Variants in SLC1A3 observed in about 807,000 individuals in gnomAD.
The protein encoded by SLC1A3 is excitatory amino acid transporter 1.
Under a neutral mutation model 48.1 loss-of-function variants are expected in SLC1A3, and 21 were observed. The observed-to-expected ratio is 0.44, with a 90% CI of 0.31 to 0.63. The LOEUF is 0.63. Ranked by LOEUF, SLC1A3 falls within the 20% of genes least tolerant of loss-of-function variation. The probability of loss-of-function intolerance (pLI) is 0.08; values close to 1 mark genes in which losing one functional copy is unlikely to be tolerated. For synonymous variants in SLC1A3, 239 were observed against 251.4 expected (o/e 0.95, Z 0.47); for missense variants, 546 against 689.0 (o/e 0.79, Z 2.32).
At chr5:36,643,500 T>G (rs1012472128) in intron 3 of SLC1A3, among the ~76,000 whole-genome samples, 2 of 152,216 alleles carry the variant, frequency 1.3e-5, no homozygotes, top group Non-Finnish European at 2.9e-5. Context: ...TTGCCCATTT[T>G]TTAATGGGGG....
rs753687627 is a variant in SLC1A3, at chr5:36,676,985, A to C, written c.661A>C (p.Met221Leu). Residue 221 changes from methionine to leucine, a missense_variant, in exon 6 of 10, where the codon ATG (methionine) becomes CTG (leucine). Met to Leu is a conservative substitution (Grantham distance 15, BLOSUM62 2). This residue lies in a region of SLC1A3 where 348 missense variants were observed against 392.0 expected (regional missense o/e 0.89). Coordinates refer to ENST00000265113, the MANE Select transcript of SLC1A3 (RefSeq NM_004172.5). ...TGTGATAAACAATGTGTCTGAGGCC[A>C]TGGAGACTCTTACCCGAATCACAGA... ...GAVINNVSEA[M>L]ETLTRITEEL... 3 of 1,614,104 alleles carry C rather than the reference A, an allele frequency of 1.9e-6. No homozygotes were observed. Among genetic ancestry groups the C allele is most frequent in the Non-Finnish European group, 2.5e-6 (3 of 1,179,954 alleles).
Position 36,661,151 on chromosome 5 carries a change from C to G in SLC1A3, c.320-9878C>G, listed in dbSNP as rs147944255. 3.4e-3 allele frequency among the ~76,000 whole-genome samples: 521 copies of G among 152,354 alleles called. 3 individuals are homozygous for G. The highest frequency in any genetic ancestry group is 0.012 in the African/African-American group (492 of 41,584). On this transcript the variant is annotated intron_variant, in intron 3 of 9. Coordinates refer to ENST00000265113, the MANE Select transcript of SLC1A3 (RefSeq NM_004172.5). ...AAAATAGACAAAGTGGTGGCTCATG[C>G]CTGTAATCTCAGCACTTTGGGAGGT...
chr5:36,598,991 A>G (rs919828297), intron 1 of SLC1A3, among the ~76,000 whole-genome samples: 5 of 152,204 alleles, frequency 3.3e-5, no homozygotes, highest in African/African-American at 4.8e-5. Flanking sequence ...TACAACATGA[A>G]GTCAATATAA....
intron 1 of SLC1A3, among the ~76,000 whole-genome samples, chr5:36,601,267 G>C (rs62354611): frequency 0.25 from 38,380 of 151,760 alleles, 6,925 homozygotes; most frequent in African/African-American, 0.51. Flanking sequence ...GCTTCCTTTG[G>C]TACTGTATTA....
chr5:36,613,695 A>G (rs1739301737), intron 2 of SLC1A3, among the ~76,000 whole-genome samples: 2 of 152,044 alleles, frequency 1.3e-5, no homozygotes, highest in Non-Finnish European at 2.9e-5. Context: ...GAGGAGCTTC[A>G]AGAAGCTGGG....
chr5:36,600,047 C>T (rs1424320129), intron 1 of SLC1A3, among the ~76,000 whole-genome samples: 1 of 152,100 alleles, frequency 6.6e-6, no homozygotes, highest in Non-Finnish European at 1.5e-5. Context: ...GTTTTTCCCC[C>T]AGAGGTTATT....
chr5:36,686,000 G>T (rs549335477), intron 9 of SLC1A3, 65 bp from the exon 10 acceptor site: 11 of 1,338,900 alleles, frequency 8.2e-6, no homozygotes, highest in South Asian at 1.2e-5. Flanking sequence ...AGTTCCTAAC[G>T]TAAGTTGAAA....
intron 6 of SLC1A3, among the ~76,000 whole-genome samples, chr5:36,678,955 CAT>C (rs1742323072): frequency 6.6e-6 from 1 of 152,116 alleles, no homozygotes; most frequent in Non-Finnish European, 1.5e-5. Flanking sequence ...TGTACTATAA[CAT>C]AGAATTTTCT....
chr5:36,657,681 A>G (rs1741336643), intron 3 of SLC1A3, among the ~76,000 whole-genome samples: 1 of 152,246 alleles, frequency 6.6e-6, no homozygotes, highest in African/African-American at 2.4e-5. Flanking sequence ...AACATGATGA[A>G]GTTGAGCAAG....
chr5:36,680,452 G>A lies in SLC1A3; in HGVS notation c.1152G>A (p.Lys384=). The A allele has an allele frequency of 6.2e-7, 1 of 1,614,204 alleles. No homozygotes were observed. The highest frequency in any genetic ancestry group is 8.5e-7 in the Non-Finnish European group (1 of 1,180,038). ...KCLEENNGVD[K]RVTRFVLPVG... ...TGGAAGAGAACAATGGCGTGGACAAGCGCGTCACCAGATTCGTGCTCCCCG... is the reference window on the plus strand; with the variant it reads ...TGGAAGAGAACAATGGCGTGGACAAACGCGTCACCAGATTCGTGCTCCCCG... Residue 384 remains lysine (K), a synonymous_variant, in exon 8 of 10, where the codon AAG becomes AAA. Transcript: ENST00000265113.
intron 7 of SLC1A3, 166 bp from the exon 8 acceptor site, chr5:36,680,229 G>GTT: frequency 1.4e-6 from 1 of 692,158 alleles, no homozygotes; most frequent in South Asian, 1.7e-5. Flanking sequence ...CCCGTGAGGG[G>GTT]ACCACACTGT....
chr5:36,683,428 G>A (rs1026153422), intron 8 of SLC1A3, among the ~76,000 whole-genome samples: 31 of 151,756 alleles, frequency 2.0e-4, no homozygotes, highest in Admixed American at 6.6e-4. Context: ...TCATTTACGG[G>A]CCAGGCATGA....
chr5:36,629,586 A>G lies in SLC1A3; in HGVS notation c.318A>G (p.Thr106=). The G allele has an allele frequency of 6.2e-7, 1 of 1,612,690 alleles. No homozygotes were observed. Among genetic ancestry groups the G allele is most frequent in the Non-Finnish European group, 8.5e-7 (1 of 1,178,824 alleles). ...VLPLIISSLV[T]GMAALDSKAS... ...CACTTATCATCTCCAGTCTTGTCAC[A>G]GGTACCATAAGCAGTTGTTGGTTTG... is the stretch of plus-strand genomic sequence containing the variant. The change falls in exon 3 of 10, where the codon ACA becomes ACG. Residue 106 remains threonine, a splice_region_variant and synonymous_variant. Coordinates refer to ENST00000265113, the MANE Select transcript of SLC1A3 (RefSeq NM_004172.5).
At chr5:36,679,935 A>G (rs1045926004) in intron 7 of SLC1A3, 75 bp downstream of exon 7, 37 of 1,000,956 alleles carry the variant, frequency 3.7e-5, no homozygotes, top group Non-Finnish European at 5.0e-5. Context: ...GTGTAGGAGA[A>G]GCCATTTTAT....
At chr5:36,670,753 T>C in intron 3 of SLC1A3, 1 of 507,926 alleles carries the variant, frequency 2.0e-6, no homozygotes, top group South Asian at 2.0e-5. Context: ...TTTGGACCAT[T>C]AGAGAACAGT....
Position 36,676,938 on chromosome 5 carries a change from C to T in SLC1A3, c.614C>T (p.Ala205Val), listed in dbSNP as rs1303183514. The T allele has an allele frequency of 6.2e-7, 1 of 1,613,904 alleles. No homozygotes were observed. Among genetic ancestry groups the T allele is most frequent in the East Asian group, 2.2e-5 (1 of 44,876 alleles). ...AGAAGCTTTAAAGTGCCCATCCAGG[C>T]CAACGAAACGCTTGTGGGTGCTGTG... The part of the protein sequence containing the change: ...EKRSFKVPIQ[A>V]NETLVGAVIN... Residue 205 changes from alanine to valine, a missense_variant, in exon 6 of 10, where the codon GCC becomes GTC. Ala to Val is a moderately conservative substitution (Grantham distance 64, BLOSUM62 0). This residue lies in a region of SLC1A3 where 348 missense variants were observed against 392.0 expected (regional missense o/e 0.89). Coordinates refer to ENST00000265113, the MANE Select transcript of SLC1A3 (RefSeq NM_004172.5).
At chr5:36,608,288 C>A in intron 1 of SLC1A3, 41 bp from the exon 2 acceptor site, 2 of 754,476 alleles carry the variant, frequency 2.7e-6, no homozygotes, top group Non-Finnish European at 4.4e-6. Context: ...ATTTCTCACC[C>A]CTGGAGGCTA....
chr5:36,660,263 T>C (rs554482941), intron 3 of SLC1A3, among the ~76,000 whole-genome samples: 1 of 152,308 alleles, frequency 6.6e-6, no homozygotes, highest in African/African-American at 2.4e-5. Context: ...ATCCTTTCTC[T>C]ATACGCCTTC....
At chr5:36,656,939 G>C (rs1741308939) in intron 3 of SLC1A3, among the ~76,000 whole-genome samples, 1 of 152,160 alleles carries the variant, frequency 6.6e-6, no homozygotes, top group Admixed American at 6.5e-5. Context: ...TTAAAAGAAT[G>C]GACTTTTTAA....
Sources: gnomAD v4.1 joint callset for allele counts (sites outside exome capture counted in the v4.1 genomes callset) on GRCh38, gnomAD v4.1.1 for gene constraint, gnomAD v4.1.1 regional missense constraint, MANE v1.5 for transcripts, NCBI Gene and HGNC (gene_info 2026-07-23, HGNC 2026-07-21) for gene names.